CRYBG2: variants seen among roughly 807,000 people sequenced by gnomAD.
CRYBG2 encodes beta/gamma crystallin domain-containing protein 2.
Under a neutral mutation model 153.4 loss-of-function variants are expected in CRYBG2, and 106 were observed. The ratio of observed to expected loss-of-function variants is 0.69; its 90% confidence interval spans 0.59 to 0.81. CRYBG2 has a LOEUF of 0.81. CRYBG2 is among the 30% of genes least tolerant of loss of function. The pLI is 0.00. For missense variants in CRYBG2, 1,996 were observed against 2,112.0 expected, an observed-to-expected ratio of 0.95 and a Z score of 1.08; for synonymous variants, 851 against 877.8, an observed-to-expected ratio of 0.97 and a Z score of 0.54.
chr1:26,337,434 G>A, intron 9 of CRYBG2, 55 bp from the exon 10 acceptor site: 1 of 1,602,952 alleles, frequency 6.2e-7, no homozygotes, highest in South Asian at 1.1e-5. Context: ...GCCCATGGAT[G>A]AATGAGACAG....
Position 26,343,027 on chromosome 1 carries a change from G to A in CRYBG2, c.3074+20C>T, listed in dbSNP as rs760837482. 3.9e-6 allele frequency: 6 copies of A among 1,540,876 alleles called. No individual in the cohort carries two copies. In the Admixed American group the frequency reaches 9.9e-5, roughly 25 times the overall value. Reference sequence around the variant, plus strand: ...CCCCAGGTTCACAGCCAAGTGCCTTGCTGGGCACTCCCCACTCACCAGCCT... The same window carrying A: ...CCCCAGGTTCACAGCCAAGTGCCTTACTGGGCACTCCCCACTCACCAGCCT... On this transcript the variant is annotated intron_variant, in intron 4 of 19. Coordinates refer to ENST00000308182, the MANE Select transcript of CRYBG2 (RefSeq NM_001039775.4). The surrounding 1 kb of genome is among the most constrained non-coding windows in gnomAD (Gnocchi z 4.1).
At chr1:26,334,505 CTAA>C in intron 14 of CRYBG2, among the ~76,000 whole-genome samples, 1 of 152,036 alleles carries the variant, frequency 6.6e-6, no homozygotes, top group Non-Finnish European at 1.5e-5. Context: ...ATTAATGAAC[CTAA>C]TTGTATATTA....
At chr1:26,342,172 C>T (rs1484699507) in intron 5 of CRYBG2, among the ~76,000 whole-genome samples, 2 of 152,134 alleles carry the variant, frequency 1.3e-5, no homozygotes, top group South Asian at 2.1e-4. Context: ...GTAACCCCCA[C>T]GTTCCCTCCC....
Position 26,346,736 on chromosome 1 carries a change from G to T in CRYBG2, c.-55-24C>A. On this transcript the variant is annotated intron_variant, in intron 1 of 19. Transcript: ENST00000308182. The surrounding 1 kb of genome is among the most constrained non-coding windows in gnomAD (Gnocchi z 4.9). ...CCCTGCAGAGGAATAAGAAAGATGA[G>T]GGTCAGAGGGTGGTGAGAGTGGCTT... 1 of 1,407,670 alleles carries T rather than the reference G, an allele frequency of 7.1e-7. No individual in the cohort carries two copies. Among genetic ancestry groups the T allele is most frequent in the Non-Finnish European group, 9.4e-7 (1 of 1,061,278 alleles). 87.2% of individuals were successfully genotyped at this position (1,407,670 alleles called of 1,614,324 possible).
At chr1:26,334,470 T>A (rs2074031101) in intron 14 of CRYBG2, among the ~76,000 whole-genome samples, 1 of 152,006 alleles carries the variant, frequency 6.6e-6, no homozygotes, top group Non-Finnish European at 1.5e-5. Flanking sequence ...ATGAAAAATA[T>A]TCCTTAAAAC....
chr1:26,350,510 A>C (rs1380770510), intron 1 of CRYBG2, among the ~76,000 whole-genome samples: 2 of 152,234 alleles, frequency 1.3e-5, no homozygotes, highest in Non-Finnish European at 2.9e-5. Context: ...CCCATTTTGC[A>C]GATGAGATTT....
chr1:26,337,953 C>A, intron 8 of CRYBG2, 59 bp downstream of exon 8: 1 of 1,589,352 alleles, frequency 6.3e-7, no homozygotes, highest in Non-Finnish European at 8.6e-7. Flanking sequence ...ACCACGATAA[C>A]CAAACACCTG....
chr1:26,339,477 G>A lies in CRYBG2; in HGVS notation c.3205-48C>T, dbSNP rs557519538. 9 of 1,601,986 alleles carry A rather than the reference G, an allele frequency of 5.6e-6. No homozygotes were observed. In the South Asian group the frequency reaches 6.6e-5, roughly 12 times the overall value. On this transcript the variant is annotated intron_variant, in intron 5 of 19. Transcript: ENST00000308182. ...AAATATAGATAAACAGCCAGGCGTGGTGGCTCACGCCTGTAATCCCAGCAC... is the reference window on the plus strand; with the variant it reads ...AAATATAGATAAACAGCCAGGCGTGATGGCTCACGCCTGTAATCCCAGCAC...
intron 5 of CRYBG2, among the ~76,000 whole-genome samples, chr1:26,341,940 G>A (rs771499768): frequency 2.0e-5 from 3 of 152,072 alleles, no homozygotes; most frequent in Admixed American, 6.6e-5. Flanking sequence ...TAAATCCCTA[G>A]TCTGGCTATA....
chr1:26,342,386 A>G (rs1345339762), intron 5 of CRYBG2, among the ~76,000 whole-genome samples: 1 of 151,716 alleles, frequency 6.6e-6, no homozygotes, highest in Non-Finnish European at 1.5e-5. Context: ...TCTGCCCACT[A>G]CCCCATAAGA....
At position 26,344,706 on chromosome 1, in the gene CRYBG2, A is replaced by G. The variant is rs1224080015; in HGVS notation, c.1952T>C (p.Ile651Thr). ...SSIQKEAVQG[I>T]AGSLAPPLTK... ...GAGGGGCGGGGCAAGGCTGCCTGCA[A>G]TACCCTGGACAGCCTCTTTTTGGAT... Residue 651 changes from isoleucine (I) to threonine (T), a missense_variant, in exon 2 of 20, where the codon ATT becomes ACT. Transcript: ENST00000308182. 3 of 1,533,802 alleles carry G rather than the reference A, an allele frequency of 2.0e-6. No individual in the cohort carries two copies. Among genetic ancestry groups the G allele is most frequent in the Non-Finnish European group, 1.7e-6 (2 of 1,145,396 alleles).
chr1:26,324,232 C>G lies in CRYBG2; in HGVS notation c.4657G>C (p.Ala1553Pro), dbSNP rs1354470026. ...GGGTCGGCGACCACCACACGGCCTG[C>G]TTTCATGTCCTCCACATGGTCCGGC... Reference protein sequence around the residue: ...AVPDHVEDMKAGRVVVADPQA... With the variant: ...AVPDHVEDMKPGRVVVADPQA... Residue 1553 changes from alanine to proline, a missense_variant, in exon 18 of 20, where the codon GCA (alanine) becomes CCA (proline). Physicochemically the swap from Ala to Pro is conservative, Grantham distance 27. Coordinates refer to ENST00000308182, the MANE Select transcript of CRYBG2 (RefSeq NM_001039775.4). 1.2e-6 allele frequency: 2 copies of G among 1,613,048 alleles called. No homozygotes were observed. Among genetic ancestry groups the G allele is most frequent in the Admixed American group, 3.3e-5 (2 of 60,006 alleles).
chr1:26,344,345 C>T lies in CRYBG2; in HGVS notation c.2313G>A (p.Leu771=). The part of the protein sequence containing the change: ...AADLEIFLDT[L]RSMEPPEILR... ...GGATCTCAGGGGGCTCCATGCTCCG[C>T]AGCGTATCCAGGAATATCTCCAGGT... The change falls in exon 2 of 20, where the codon CTG becomes CTA. Residue 771 remains leucine, a synonymous_variant. Transcript: ENST00000308182. 6.6e-7 allele frequency: 1 copy of T among 1,504,464 alleles called. No individual in the cohort carries two copies. Among genetic ancestry groups the T allele is most frequent in the Non-Finnish European group, 8.9e-7 (1 of 1,124,008 alleles). The allele number at this position is 1,504,464 out of a possible 1,614,324, so 93.2% of individuals were successfully genotyped here.
chr1:26,343,720 C>A lies in CRYBG2; in HGVS notation c.2913+25G>T. 6.9e-7 allele frequency: 1 copy of A among 1,443,306 alleles called. No individual in the cohort carries two copies. Among genetic ancestry groups the A allele is most frequent in the South Asian group, 1.5e-5 (1 of 64,740 alleles). 89.4% of individuals were successfully genotyped at this position (1,443,306 alleles called of 1,614,324 possible). A position where few individuals can be genotyped will look rare whatever the true frequency, so the allele number is the denominator to read the frequency against. ...GACCCAGGTGAGGCCAGGCACCTCC[C>A]TTGCCCACCCGAGGCCTCACTTACC... On this transcript the variant is annotated intron_variant, in intron 2 of 19. Coordinates refer to ENST00000308182, the MANE Select transcript of CRYBG2 (RefSeq NM_001039775.4). This position sits in a 1 kb window ranked among gnomAD's most constrained non-coding sequence, Gnocchi z 4.1.
At chr1:26,333,992 AT>A (rs935041428) in intron 14 of CRYBG2, among the ~76,000 whole-genome samples, 1 of 152,036 alleles carries the variant, frequency 6.6e-6, no homozygotes, top group Non-Finnish European at 1.5e-5. Flanking sequence ...CTAATTAAAA[AT>A]TTTTTTGTCA....
chr1:26,341,893 C>T (rs964138761), intron 5 of CRYBG2, among the ~76,000 whole-genome samples: 2 of 152,118 alleles, frequency 1.3e-5, no homozygotes, highest in African/African-American at 4.8e-5. Flanking sequence ...CCTCCAGGAT[C>T]CCTCTTTTTT....
At chr1:26,324,955 C>G (rs932558490) in intron 17 of CRYBG2, 6 of 152,172 alleles carry the variant, frequency 3.9e-5, no homozygotes, top group African/African-American at 1.4e-4. Flanking sequence ...AAGCACTGTT[C>G]TAATAATGTT....
At position 26,337,395 on chromosome 1, in the gene CRYBG2, GGACA is replaced by G. The variant is rs767309128; in HGVS notation, c.3645-20_3645-17del. ...GCCCACCCAGCTGGGAAAAGCAGGAGGACAGACAGGCAGGTTCAGTCATAGGAGG... is the reference window on the plus strand; with the variant it reads ...GCCCACCCAGCTGGGAAAAGCAGGAGGACAGGCAGGTTCAGTCATAGGAGG... On this transcript the variant is annotated splice_polypyrimidine_tract_variant and intron_variant, in intron 9 of 19. Transcript: ENST00000308182. 2.1e-5 allele frequency: 34 copies of G among 1,612,198 alleles called. No homozygotes were observed. The highest frequency in any genetic ancestry group is 3.3e-4 in the Middle Eastern group (2 of 6,078).
intron 15 of CRYBG2, among the ~76,000 whole-genome samples, chr1:26,329,942 G>A (rs1362313006): frequency 1.3e-5 from 2 of 151,958 alleles, no homozygotes; most frequent in South Asian, 2.1e-4. Flanking sequence ...TCATCATGTT[G>A]GCCAGGCTAG....
Sources: gnomAD v4.1 joint callset for allele counts (sites outside exome capture counted in the v4.1 genomes callset) on GRCh38, gnomAD v4.1.1 for gene constraint, Gnocchi (gnomAD v3.1) non-coding constraint, MANE v1.5 for transcripts, NCBI Gene and HGNC (gene_info 2026-07-23, HGNC 2026-07-21) for gene names.